STRBP: variants seen among roughly 807,000 people sequenced by gnomAD.
STRBP encodes spermatid perinuclear RNA binding protein.
A neutral mutation model predicts 80.1 loss-of-function variants in STRBP; 13 were observed. The ratio of observed to expected loss-of-function variants is 0.16; its 90% CI spans 0.11 to 0.26. The LOEUF is 0.26. Ranked by LOEUF, STRBP falls within the 10% of genes least tolerant of loss-of-function variation. The pLI is 1.00. For missense variants in STRBP, 485 were observed against 815.2 expected (o/e 0.59, Z 4.93); for synonymous variants, 284 against 291.2 (o/e 0.98, Z 0.25).
intron 4 of STRBP, among the ~76,000 whole-genome samples, chr9:123,175,783 C>A (rs890100538): frequency 6.6e-6 from 1 of 152,186 alleles, no homozygotes; most frequent in African/African-American, 2.4e-5. Flanking sequence ...TCAATAACCT[C>A]CTCCTTACTG....
chr9:123,231,960 T>C (rs1168093045), intron 2 of STRBP, among the ~76,000 whole-genome samples: 1 of 152,200 alleles, frequency 6.6e-6, no homozygotes, highest in African/African-American at 2.4e-5. Flanking sequence ...TCTCCTACTG[T>C]TCTTCTATAA....
In STRBP at chr9:123,178,918, A is replaced by G. The variant is rs948181271; in HGVS notation, c.224+89T>C. The stretch of plus-strand genomic sequence containing the variant: ...CACATATGCATAAGACAAAATCCAA[A>G]AAACAGCATAACACACACTCAATCC... On this transcript the variant is annotated intron_variant, in intron 4 of 18. Coordinates refer to ENST00000348403, the MANE Select transcript of STRBP (RefSeq NM_018387.5). 23 of 1,290,668 alleles carry G rather than the reference A, an allele frequency of 1.8e-5. 1 individual carries two copies. The highest frequency in any genetic ancestry group is 3.8e-4 in the Middle Eastern group (2 of 5,258). 80.0% of individuals were successfully genotyped at this position (1,290,668 alleles called of 1,614,324 possible).
At chr9:123,234,335 CAA>C (rs80193172) in intron 2 of STRBP, among the ~76,000 whole-genome samples, 10 of 124,680 alleles carry the variant, frequency 8.0e-5, no homozygotes, top group African/African-American at 5.9e-5. Context: ...ATTCAGAAGA[CAA>C]AAAAAAAAAA....
chr9:123,196,993 C>T (rs1241713310), intron 2 of STRBP, among the ~76,000 whole-genome samples: 3 of 152,038 alleles, frequency 2.0e-5, no homozygotes, highest in South Asian at 2.1e-4. Flanking sequence ...CCTAAATGTC[C>T]GTGAAGAGAC....
chr9:123,148,251 TTA>T (rs2036904525), intron 11 of STRBP, among the ~76,000 whole-genome samples: 1 of 152,134 alleles, frequency 6.6e-6, no homozygotes, highest in African/African-American at 2.4e-5. Flanking sequence ...CCCTTATCAA[TTA>T]TAAAAGATGC....
chr9:123,228,002 G>A (rs747411486), intron 2 of STRBP, among the ~76,000 whole-genome samples: 6 of 152,124 alleles, frequency 3.9e-5, no homozygotes, highest in South Asian at 2.1e-4. Flanking sequence ...TAATGGCAAC[G>A]GCAGAGATGG....
intron 11 of STRBP, among the ~76,000 whole-genome samples, chr9:123,150,779 G>C (rs926061158): frequency 6.6e-6 from 1 of 152,030 alleles, no homozygotes; most frequent in African/African-American, 2.4e-5. Context: ...GCAGAGAAGG[G>C]CTGGTGAACC....
At chr9:123,130,578 A>C (rs1204100800) in intron 17 of STRBP, among the ~76,000 whole-genome samples, 1 of 152,188 alleles carries the variant, frequency 6.6e-6, no homozygotes, top group African/African-American at 2.4e-5. Flanking sequence ...ATCATCAAAG[A>C]CAAGAAAGAT....
At position 123,150,214 on chromosome 9, in the gene STRBP, T is replaced by C. The variant is rs556760044; in HGVS notation, c.1046-2344A>G. ...AGTGAAACAAACAAGGAGAGGGTGC[T>C]AGCAGTAGGTGAGAAGAGCCAGGCA... On this transcript the variant is annotated intron_variant, in intron 11 of 18. Coordinates refer to ENST00000348403, the MANE Select transcript of STRBP (RefSeq NM_018387.5). Among the ~76,000 whole-genome samples the C allele has an allele frequency of 7.9e-5, 12 of 152,246 alleles. 1 individual carries two copies. The East Asian group carries it at 1.9e-3, about 25-fold the overall frequency.
chr9:123,184,265 G>T lies in STRBP; in HGVS notation c.-131C>A. ...CCCCTGACAGCTCAGCGTCAATATA[G>T]CAAATGTCTGAAGGCTTGTTCTCTG... On this transcript the variant is annotated 5_prime_UTR_variant, in exon 3 of 19. Coordinates refer to ENST00000348403, the MANE Select transcript of STRBP (RefSeq NM_018387.5). The T allele has an allele frequency of 2.6e-6, 2 of 778,438 alleles. No homozygotes were observed. Among genetic ancestry groups the T allele is most frequent in the Non-Finnish European group, 2.0e-6 (1 of 493,702 alleles). 48.2% of individuals were successfully genotyped at this position (778,438 alleles called of 1,614,324 possible).
chr9:123,125,452 T>C lies in STRBP; in HGVS notation c.*145A>G. ...TTTTAGAGAACTAAATTTGCATTTGTTAAAATCAAAAAGTAGGAAAGATGT... is the reference window on the plus strand; with the variant it reads ...TTTTAGAGAACTAAATTTGCATTTGCTAAAATCAAAAAGTAGGAAAGATGT... On this transcript the variant is annotated 3_prime_UTR_variant, in exon 19 of 19. Transcript: ENST00000348403. The C allele has an allele frequency of 7.9e-7, 1 of 1,268,842 alleles. No homozygotes were observed. Among genetic ancestry groups the C allele is most frequent in the Non-Finnish European group, 1.0e-6 (1 of 1,002,304 alleles). The allele number at this position is 1,268,842 out of a possible 1,614,324, so 78.6% of individuals were successfully genotyped here.
chr9:123,190,533 C>A (rs1382991061), intron 2 of STRBP, among the ~76,000 whole-genome samples: 1 of 151,376 alleles, frequency 6.6e-6, no homozygotes, highest in African/African-American at 2.4e-5. Flanking sequence ...AATATAAAAT[C>A]CTCACCTAGT....
At chr9:123,223,769 C>A (rs778770388) in intron 2 of STRBP, among the ~76,000 whole-genome samples, 17 of 151,944 alleles carry the variant, frequency 1.1e-4, no homozygotes, top group South Asian at 4.1e-4. Flanking sequence ...CACTAAAAAT[C>A]TTGATTCTTA....
chr9:123,221,009 G>C (rs1030394907), intron 2 of STRBP, among the ~76,000 whole-genome samples: 1 of 151,324 alleles, frequency 6.6e-6, no homozygotes, highest in African/African-American at 2.4e-5. Context: ...TTTGTTTTTT[G>C]TTTATAGAGA....
At chr9:123,233,778 C>T (rs1024774819) in intron 2 of STRBP, among the ~76,000 whole-genome samples, 4 of 152,232 alleles carry the variant, frequency 2.6e-5, no homozygotes, top group Non-Finnish European at 5.9e-5. Flanking sequence ...TGCCCTCTGC[C>T]ATGAAATGGG....
chr9:123,149,888 G>A (rs888106589), intron 11 of STRBP, among the ~76,000 whole-genome samples: 1 of 152,066 alleles, frequency 6.6e-6, no homozygotes, highest in African/African-American at 2.4e-5. Flanking sequence ...AATTTTAGGC[G>A]CTAGACACAT....
Position 123,173,860 on chromosome 9 carries a change from C to A in STRBP, c.225-18G>T, listed in dbSNP as rs1283258592. On this transcript the variant is annotated intron_variant, in intron 4 of 18. Coordinates refer to ENST00000348403, the MANE Select transcript of STRBP (RefSeq NM_018387.5). ...CTTGATCCCTAAAAATAAAAGTCTG[C>A]ATGATTACTTTCACAACCTATTTCC... 1.3e-6 allele frequency: 2 copies of A among 1,579,444 alleles called. No homozygotes were observed. The highest frequency in any genetic ancestry group is 1.2e-5 in the South Asian group (1 of 85,324).
chr9:123,221,636 C>T (rs566928641), intron 2 of STRBP, among the ~76,000 whole-genome samples: 7 of 152,322 alleles, frequency 4.6e-5, no homozygotes, highest in Admixed American at 1.3e-4. Context: ...CTTGACTTCA[C>T]CCCTAAATAA....
chr9:123,160,134 CA>C (rs2037462417), intron 8 of STRBP, among the ~76,000 whole-genome samples: 1 of 151,968 alleles, frequency 6.6e-6, no homozygotes, highest in Non-Finnish European at 1.5e-5. Flanking sequence ...TTTTTGTCAG[CA>C]AAAAATATTT....
Sources: gnomAD v4.1 joint callset for allele counts (sites outside exome capture counted in the v4.1 genomes callset) on GRCh38, gnomAD v4.1.1 for gene constraint, MANE v1.5 for transcripts, NCBI Gene and HGNC (gene_info 2026-07-23, HGNC 2026-07-21) for gene names.